Variants in ATP10B observed in about 807,000 individuals in gnomAD.
ATP10B encodes ATPase phospholipid transporting 10B (putative).
ATP10B carries 122 observed loss-of-function variants against 141.2 expected under a neutral mutation model. The observed-to-expected ratio is 0.86, with a 90% CI of 0.75 to 1.00. ATP10B has a LOEUF of 1.00. Ranked by LOEUF, ATP10B falls within the 50% of genes least tolerant of loss-of-function variation. The probability of loss-of-function intolerance (pLI) is 0.00; values close to 1 mark genes in which losing one functional copy is unlikely to be tolerated. For synonymous variants in ATP10B, 685 were observed against 692.0 expected (o/e 0.99, Z 0.16); for missense variants, 1,876 against 1,825.3 (o/e 1.03, Z -0.51).
chr5:160,699,723 CA>C (rs1012523194), intron 3 of ATP10B, among the ~76,000 whole-genome samples: 2 of 151,330 alleles, frequency 1.3e-5, no homozygotes, highest in Admixed American at 1.3e-4. Flanking sequence ...GGGTAAAAGG[CA>C]AAGGGACAAG....
At chr5:160,846,150 T>C (rs1361328698) in intron 1 of ATP10B, among the ~76,000 whole-genome samples, 2 of 151,872 alleles carry the variant, frequency 1.3e-5, no homozygotes, top group Non-Finnish European at 2.9e-5. Context: ...CACAAACTGT[T>C]TACTATTGGG....
the ATP10B span, among the ~76,000 whole-genome samples, chr5:160,885,237 G>A: frequency 6.6e-6 from 1 of 152,196 alleles, no homozygotes; most frequent in African/African-American, 2.4e-5. Context: ...GCAGAGCTCT[G>A]ATTGTTCTCA....
chr5:160,612,032 C>T (rs889190133), intron 18 of ATP10B: 1 of 152,190 alleles, frequency 6.6e-6, no homozygotes. Context: ...TTGAATATGC[C>T]TCTTCAGCTT....
chr5:160,903,162 G>A, the ATP10B span, among the ~76,000 whole-genome samples: 10 of 152,208 alleles, frequency 6.6e-5, no homozygotes, highest in Non-Finnish European at 4.4e-5. Context: ...TATAGACAGA[G>A]AAGCTGATGC....
At chr5:160,773,308 A>G (rs560515954) in intron 2 of ATP10B, among the ~76,000 whole-genome samples, 2 of 152,226 alleles carry the variant, frequency 1.3e-5, no homozygotes, top group Admixed American at 6.5e-5. Context: ...GCAATGGCTT[A>G]TCAAAGGAAT....
intron 2 of ATP10B, among the ~76,000 whole-genome samples, chr5:160,764,884 T>C (rs1769293630): frequency 6.6e-6 from 1 of 152,288 alleles, no homozygotes; most frequent in South Asian, 2.1e-4. Context: ...AAAATTAATG[T>C]ACACAAATCA....
chr5:160,619,549 C>G (rs1457409362), intron 15 of ATP10B, among the ~76,000 whole-genome samples: 1 of 152,130 alleles, frequency 6.6e-6, no homozygotes, highest in South Asian at 2.1e-4. Context: ...CCCCATAAAC[C>G]TCTTGGCCCT....
In ATP10B at chr5:160,772,665, G is replaced by A. The variant is rs374144981; in HGVS notation, c.-331+12894C>T. 2.8e-3 allele frequency among the ~76,000 whole-genome samples: 429 copies of A among 152,284 alleles called. 1 individual carries two copies. Among genetic ancestry groups the A allele is most frequent in the South Asian group, 0.016 (75 of 4,828 alleles). The stretch of plus-strand genomic sequence containing the variant: ...TGTGCTCCTATGAGAATCTAATGCT[G>A]CCAGTGATCTGACAGGGGGTGGAGC... On this transcript the variant is annotated intron_variant, in intron 2 of 25. Coordinates refer to ENST00000327245, the MANE Select transcript of ATP10B (RefSeq NM_025153.3).
the ATP10B span, among the ~76,000 whole-genome samples, chr5:160,862,921 T>A: frequency 6.6e-6 from 1 of 152,008 alleles, no homozygotes; most frequent in East Asian, 1.9e-4. Flanking sequence ...TATCAAATAT[T>A]GATTACATAA....
At chr5:160,838,647 A>G (rs1355549819) in intron 1 of ATP10B, among the ~76,000 whole-genome samples, 2 of 152,178 alleles carry the variant, frequency 1.3e-5, no homozygotes, top group Non-Finnish European at 2.9e-5. Flanking sequence ...ACATACTTTG[A>G]GAAAAAAAAG....
chr5:160,606,014 G>A (rs575687505), intron 19 of ATP10B, among the ~76,000 whole-genome samples: 6 of 152,254 alleles, frequency 3.9e-5, no homozygotes, highest in African/African-American at 1.4e-4. Flanking sequence ...AGAAGTGAGA[G>A]AGGACAAGGC....
chr5:160,887,308 T>C, the ATP10B span, among the ~76,000 whole-genome samples: 2 of 152,160 alleles, frequency 1.3e-5, no homozygotes, highest in African/African-American at 2.4e-5. Context: ...CCTAATACAA[T>C]GTAAATGTTA....
intron 21 of ATP10B, among the ~76,000 whole-genome samples, chr5:160,600,049 A>G (rs1195571231): frequency 2.6e-5 from 4 of 152,200 alleles, no homozygotes; most frequent in Non-Finnish European, 4.4e-5. Flanking sequence ...TTGACCTTCT[A>G]TATGTGCCAG....
intron 7 of ATP10B, among the ~76,000 whole-genome samples, chr5:160,654,115 A>AATATATGTTATAT (rs1761299690): frequency 1.3e-5 from 2 of 148,928 alleles, no homozygotes; most frequent in African/African-American, 5.0e-5. Flanking sequence ...TACATATATA[A>AATATATGTTATAT]ATACGTGTGT....
At chr5:160,683,044 A>G (rs1239106127) in intron 6 of ATP10B, among the ~76,000 whole-genome samples, 1 of 136,176 alleles carries the variant, frequency 7.3e-6, no homozygotes, top group African/African-American at 2.8e-5. Context: ...GTCCCCCAAA[A>G]AAAAAAAAAA....
the ATP10B span, among the ~76,000 whole-genome samples, chr5:160,872,406 C>T: frequency 2.0e-5 from 3 of 152,088 alleles, no homozygotes; most frequent in African/African-American, 4.8e-5. Context: ...CTTAACTTTG[C>T]TTTTATTGTA....
At chr5:160,908,513 T>C in the ATP10B span, among the ~76,000 whole-genome samples, 5 of 152,236 alleles carry the variant, frequency 3.3e-5, no homozygotes, top group African/African-American at 1.2e-4. Flanking sequence ...GAGCTGCTCA[T>C]CTGCTATCGA....
chr5:160,774,473 T>C (rs1345037246), intron 2 of ATP10B, among the ~76,000 whole-genome samples: 2 of 152,216 alleles, frequency 1.3e-5, no homozygotes, highest in Non-Finnish European at 2.9e-5. Context: ...AAACACCCTC[T>C]GTTGGTGACT....
intron 22 of ATP10B, among the ~76,000 whole-genome samples, chr5:160,597,319 T>C (rs964838804): frequency 6.6e-6 from 1 of 152,188 alleles, no homozygotes; most frequent in African/African-American, 2.4e-5. Flanking sequence ...TAATAAATGG[T>C]GCTGGGAAAA....
Sources: gnomAD v4.1 joint callset for allele counts (sites outside exome capture counted in the v4.1 genomes callset) on GRCh38, gnomAD v4.1.1 for gene constraint, MANE v1.5 for transcripts, NCBI Gene and HGNC (gene_info 2026-07-23, HGNC 2026-07-21) for gene names.